The following SLC12A6 variants were observed in gnomAD, a reference collection of about 807,000 sequenced individuals.
The protein encoded by SLC12A6 is solute carrier family 12 member 6, also known as K-Cl cotransporter 3.
SLC12A6 carries 66 observed loss-of-function variants against 135.3 expected under a neutral mutation model. That is an observed-to-expected ratio of 0.49 (90% CI 0.40 to 0.60). SLC12A6 has a LOEUF of 0.60. Among genes scored for constraint, SLC12A6 ranks in the 20% least tolerant of loss-of-function variants. The pLI is 0.00. For missense variants in SLC12A6, 1,058 were observed against 1,452.3 expected (o/e 0.73, Z 4.41); for synonymous variants, 513 against 508.8 (o/e 1.01, Z -0.11).
intron 23 of SLC12A6, 103 bp downstream of exon 23, chr15:34,236,605 G>A: frequency 1.2e-6 from 1 of 805,742 alleles, no homozygotes; most frequent in East Asian, 2.5e-5. Context: ...GCCTCCAAAA[G>A]TGCTGGGATT....
chr15:34,285,868 T>C (rs1164010241), intron 2 of SLC12A6, among the ~76,000 whole-genome samples: 1 of 152,004 alleles, frequency 6.6e-6, no homozygotes, highest in Non-Finnish European at 1.5e-5. Flanking sequence ...ATATTAGTTA[T>C]CTAAAGGAGT....
chr15:34,254,789 A>G (rs571291490), intron 8 of SLC12A6, among the ~76,000 whole-genome samples, 200 bp from the exon 9 acceptor site: 1 of 148,298 alleles, frequency 6.7e-6, no homozygotes, highest in East Asian at 2.0e-4. Flanking sequence ...TTTGGTCTAC[A>G]TGCTGTTCTG....
Position 34,285,717 on chromosome 15 carries a change from T to TGTGTATACACACACACACACACACACA in SLC12A6, c.272-10329_272-10328insTGTGTGTGTGTGTGTGTGTGTATACAC, listed in dbSNP as rs144158165. 2.7e-4 allele frequency among the ~76,000 whole-genome samples: 36 copies of TGTGTATACACACACACACACACACACA among 131,110 alleles called. 2 individuals carry two copies. Among genetic ancestry groups the TGTGTATACACACACACACACACACACA allele is most frequent in the South Asian group, 1.6e-3 (6 of 3,848 alleles). The allele number at this position is 131,110 out of a possible 152,430, so 86.0% of individuals were successfully genotyped here. A position where few individuals can be genotyped will look rare whatever the true frequency, so the allele number is the denominator to read the frequency against. On this transcript the variant is annotated intron_variant, in intron 2 of 25. Coordinates refer to ENST00000354181, the MANE Select transcript of SLC12A6 (RefSeq NM_001365088.1). ...ATGTGTGTGTGTGTGTGTGTGTTTG[T>TGTGTATACACACACACACACACACACA]CATACATAAAATGGAATATTATTCA...
At chr15:34,276,921 A>G (rs1041174257) in intron 2 of SLC12A6, among the ~76,000 whole-genome samples, 1 of 152,226 alleles carries the variant, frequency 6.6e-6, no homozygotes, top group Non-Finnish European at 1.5e-5. Flanking sequence ...TATACACTAT[A>G]TATTTTAATT....
chr15:34,284,816 T>C (rs1370049151), intron 2 of SLC12A6, among the ~76,000 whole-genome samples: 1 of 152,160 alleles, frequency 6.6e-6, no homozygotes, highest in African/African-American at 2.4e-5. Context: ...GTGGTTTGTG[T>C]GCACACTTAG....
intron 2 of SLC12A6, among the ~76,000 whole-genome samples, chr15:34,293,455 T>C (rs1895677951): frequency 6.6e-6 from 1 of 152,136 alleles, no homozygotes; most frequent in African/African-American, 2.4e-5. Flanking sequence ...AGGTGCCCAC[T>C]GCCACATCCA....
intron 2 of SLC12A6, among the ~76,000 whole-genome samples, chr15:34,288,627 T>C (rs1265568878): frequency 6.6e-6 from 1 of 152,192 alleles, no homozygotes; most frequent in Non-Finnish European, 1.5e-5. Context: ...CATAGAATGT[T>C]TTTCCATTTG....
At chr15:34,307,102 T>C (rs537625660) in intron 2 of SLC12A6, among the ~76,000 whole-genome samples, 80 of 152,332 alleles carry the variant, frequency 5.3e-4, no homozygotes, top group Non-Finnish European at 9.8e-4. Flanking sequence ...TTCATGGGCA[T>C]ATAAATGTCA....
chr15:34,304,503 T>C (rs1324151996), intron 2 of SLC12A6, among the ~76,000 whole-genome samples: 1 of 152,242 alleles, frequency 6.6e-6, no homozygotes, highest in African/African-American at 2.4e-5. Flanking sequence ...ACATTGTCAC[T>C]AGTAGCAGAT....
At chr15:34,273,374 CAAAA>C (rs967532164) in intron 3 of SLC12A6, among the ~76,000 whole-genome samples, 4 of 151,952 alleles carry the variant, frequency 2.6e-5, no homozygotes, top group Admixed American at 6.6e-5. Context: ...ACCAAAAAAA[CAAAA>C]AACCTCTAAC....
At chr15:34,241,393 A>T (rs1891631675) in intron 17 of SLC12A6, 56 bp from the exon 18 acceptor site, 1 of 959,260 alleles carries the variant, frequency 1.0e-6, no homozygotes, top group East Asian at 2.6e-5. Context: ...GTATAATTTT[A>T]AAAAATAAAG....
intron 2 of SLC12A6, among the ~76,000 whole-genome samples, chr15:34,332,849 T>C (rs769994691): frequency 5.9e-5 from 9 of 152,120 alleles, no homozygotes; most frequent in Non-Finnish European, 1.2e-4. Context: ...ATATGTTTTA[T>C]AGCCACATGG....
At chr15:34,312,728 T>A (rs1192289593) in intron 2 of SLC12A6, among the ~76,000 whole-genome samples, 1 of 152,232 alleles carries the variant, frequency 6.6e-6, no homozygotes, top group Non-Finnish European at 1.5e-5. Context: ...GTTTTTTGTT[T>A]GTTTACAAAT....
intron 2 of SLC12A6, among the ~76,000 whole-genome samples, chr15:34,282,973 T>C (rs1037896786): frequency 1.3e-5 from 2 of 152,236 alleles, no homozygotes; most frequent in African/African-American, 4.8e-5. Flanking sequence ...CCCAGTCATT[T>C]TTCCATGTGC....
rs1030430165 is a variant in SLC12A6 at position 34,237,237 on chromosome 15, A to G, written c.2934+182T>C. Reference sequence around the variant, plus strand: ...GCAAAACCAAAAAATAACATCAAACATGCATCACATATACATTCTACTTAG... The same window carrying G: ...GCAAAACCAAAAAATAACATCAAACGTGCATCACATATACATTCTACTTAG... On this transcript the variant is annotated intron_variant, in intron 22 of 25. Transcript: ENST00000354181. 3.6e-5 allele frequency: 20 copies of G among 551,264 alleles called. No homozygotes were observed. In the East Asian group the frequency reaches 6.6e-4, roughly 18 times the overall value. 34.1% of individuals were successfully genotyped at this position (551,264 alleles called of 1,614,324 possible). A position where few individuals can be genotyped will look rare whatever the true frequency, so the allele number is the denominator to read the frequency against.
At chr15:34,285,708 G>GTACA (rs1895009176) in intron 2 of SLC12A6, among the ~76,000 whole-genome samples, 1 of 486 alleles carries the variant, frequency 2.1e-3, no homozygotes, top group Non-Finnish European at 3.6e-3. Flanking sequence ...GTGTGTGTGT[G>GTACA]TGTGTTTGTC....
intron 10 of SLC12A6, 52 bp from the exon 11 acceptor site, chr15:34,251,109 ATAAT>A: frequency 9.6e-7 from 1 of 1,046,476 alleles, no homozygotes; most frequent in South Asian, 1.3e-5. Context: ...AAAAAAAAAG[ATAAT>A]TAATTTTCTA....
At chr15:34,247,257 GC>G (rs1318643863) in intron 13 of SLC12A6, among the ~76,000 whole-genome samples, 2 of 151,976 alleles carry the variant, frequency 1.3e-5, no homozygotes, top group Non-Finnish European at 2.9e-5. Flanking sequence ...GTGGCTCACG[GC>G]TGTAATCCCA....
chr15:34,239,056 G>C lies in SLC12A6; in HGVS notation c.2541C>G (p.Gly847=). The C allele has an allele frequency of 6.2e-7, 1 of 1,614,116 alleles. No individual in the cohort carries two copies. The highest frequency in any genetic ancestry group is 8.5e-7 in the Non-Finnish European group (1 of 1,179,980). Residue 847 remains glycine, a synonymous_variant, in exon 20 of 26, where the codon GGC becomes GGG. Coordinates refer to ENST00000354181, the MANE Select transcript of SLC12A6 (RefSeq NM_001365088.1). The part of the protein sequence containing the change: ...EGISHLIQSC[G]LGGMKHNTVV... ...CCGTGTTGTGCTTCATGCCCCCAAG[G>C]CCACATGACTGGATGAGGTGGGAAA...
Sources: gnomAD v4.1 joint callset for allele counts (sites outside exome capture counted in the v4.1 genomes callset) on GRCh38, gnomAD v4.1.1 for gene constraint, MANE v1.5 for transcripts, NCBI Gene and HGNC (gene_info 2026-07-23, HGNC 2026-07-21) for gene names.